ADAM7: variants seen among roughly 807,000 people sequenced by gnomAD.
ADAM7 encodes disintegrin and metalloproteinase domain-containing protein 7.
Under a neutral mutation model 102.9 loss-of-function variants are expected in ADAM7, and 97 were observed. The observed-to-expected ratio is 0.94, with a 90% CI of 0.80 to 1.12. The LOEUF (loss-of-function observed/expected upper bound fraction) is 1.12. Among genes scored for constraint, ADAM7 ranks in the 50% most tolerant of loss-of-function variants. The pLI is 0.00. For missense variants in ADAM7, 991 were observed against 908.7 expected (o/e 1.09, Z -1.16); for synonymous variants, 334 against 304.4 (o/e 1.10, Z -1.01).
At position 24,506,161 on chromosome 8, in the gene ADAM7, G is replaced by A. The variant is rs73548743; in HGVS notation, c.2209-1319G>A. 7.5e-3 allele frequency: 11,618 copies of A among 1,546,290 alleles called. 683 individuals carry two copies. The African/African-American group carries it at 0.13, about 18-fold the overall frequency. On this transcript the variant is annotated intron_variant, in intron 20 of 21. Coordinates refer to ENST00000175238, the MANE Select transcript of ADAM7 (RefSeq NM_003817.4). The stretch of plus-strand genomic sequence containing the variant: ...AGTCCCCACTACATCACACTGGTAC[G>A]TTCCCCTCCCCTTCCTCTTGGTGGT...
At chr8:24,492,174 G>T in intron 14 of ADAM7, 76 bp downstream of exon 14, 1 of 1,378,654 alleles carries the variant, frequency 7.3e-7, no homozygotes, top group Non-Finnish European at 1.0e-6. Flanking sequence ...TAGGAATTGG[G>T]TCAAGATCAG....
intron 20 of ADAM7, 100 bp downstream of exon 20, chr8:24,501,676 G>A (rs1820765675): frequency 1.2e-6 from 1 of 806,066 alleles, no homozygotes; most frequent in Non-Finnish European, 1.9e-6. Flanking sequence ...AGTGACATGG[G>A]AAGTGCAGAG....
intron 3 of ADAM7, among the ~76,000 whole-genome samples, chr8:24,460,734 T>C (rs1354957403): frequency 1.5e-5 from 2 of 132,120 alleles, no homozygotes; most frequent in East Asian, 4.0e-4. Flanking sequence ...TATATATGTG[T>C]GTATATATAT....
intron 3 of ADAM7, among the ~76,000 whole-genome samples, chr8:24,463,194 G>A (rs1819308449): frequency 6.6e-6 from 1 of 152,180 alleles, no homozygotes; most frequent in Admixed American, 6.5e-5. Context: ...GTCAGGATGT[G>A]TGTTTTGCAC....
chr8:24,499,797 TACACAC>T lies in ADAM7; in HGVS notation c.1924-355_1924-350del, dbSNP rs35010933. Among the ~76,000 whole-genome samples, 408 of 148,292 alleles carry T rather than the reference TACACAC, an allele frequency of 2.8e-3. 3 individuals carry two copies. Among genetic ancestry groups the T allele is most frequent in the Middle Eastern group, 7.2e-3 (2 of 278 alleles). On this transcript the variant is annotated intron_variant, in intron 17 of 21. Coordinates refer to ENST00000175238, the MANE Select transcript of ADAM7 (RefSeq NM_003817.4). ...TTAATCAGTAACACTTATATAGTAA[TACACAC>T]ACACACACACACACACACACACACA...
At chr8:24,451,441 G>C (rs979203814) in intron 3 of ADAM7, among the ~76,000 whole-genome samples, 2 of 152,164 alleles carry the variant, frequency 1.3e-5, no homozygotes, top group South Asian at 2.1e-4. Context: ...TTGCGTAGAG[G>C]TGTTTGTAGT....
intron 2 of ADAM7, among the ~76,000 whole-genome samples, chr8:24,446,896 T>TGTA (rs1156591840): frequency 6.7e-6 from 1 of 148,894 alleles, no homozygotes; most frequent in Non-Finnish European, 1.5e-5. Context: ...TATAAATAGT[T>TGTA]GTAATATAAC....
chr8:24,490,283 A>C (rs1226024797), intron 12 of ADAM7: 3 of 153,060 alleles, frequency 2.0e-5, no homozygotes, highest in Admixed American at 6.5e-5. Context: ...CCATAGATTC[A>C]TTCTAACACA....
chr8:24,467,029 T>G (rs1261103614), intron 6 of ADAM7, 41 bp downstream of exon 6: 2 of 1,543,500 alleles, frequency 1.3e-6, no homozygotes, highest in Non-Finnish European at 1.8e-6. Context: ...ATGAAACACC[T>G]TTTATTTTCT....
rs1820172046 is a variant in ADAM7 at position 24,487,200 on chromosome 8, A to T, written c.974A>T (p.Asp325Val). The T allele has an allele frequency of 6.2e-7, 1 of 1,613,736 alleles. No individual in the cohort carries two copies. Among genetic ancestry groups the T allele is most frequent in the East Asian group, 2.2e-5 (1 of 44,826 alleles). Residue 325 changes from aspartate (D) to valine (V), a missense_variant, in exon 11 of 22, where the codon GAC (aspartate) becomes GTC (valine). Transcript: ENST00000175238. The part of the protein sequence containing the change: ...STSIIKDLLP[D>V]TNIIANRMAH... ...TTTTATCATCAGGATCTTTTACCTG[A>T]CACAAACATAATTGCAAACAGAATG...
intron 7 of ADAM7, 28 bp from the exon 8 acceptor site, chr8:24,476,405 A>G: frequency 6.8e-7 from 1 of 1,465,436 alleles, no homozygotes; most frequent in Non-Finnish European, 9.4e-7. Flanking sequence ...ATTATTAATG[A>G]ATATTAATAT....
At chr8:24,498,424 GA>G (rs1364972677) in intron 16 of ADAM7, among the ~76,000 whole-genome samples, 1 of 151,368 alleles carries the variant, frequency 6.6e-6, no homozygotes, top group African/African-American at 2.4e-5. Context: ...TTAATCTTTA[GA>G]AATTAGCATA....
In ADAM7 at chr8:24,487,183, T is replaced by A; in HGVS notation, c.961-4T>A. The A allele has an allele frequency of 6.2e-7, 1 of 1,613,192 alleles. No individual in the cohort carries two copies. The highest frequency in any genetic ancestry group is 8.5e-7 in the Non-Finnish European group (1 of 1,179,504). On this transcript the variant is annotated splice_region_variant and splice_polypyrimidine_tract_variant and intron_variant, in intron 10 of 21. Transcript: ENST00000175238. Reference sequence around the variant, plus strand: ...AATTTCTAATGCAATTGTTTTATCATCAGGATCTTTTACCTGACACAAACA... The same window carrying A: ...AATTTCTAATGCAATTGTTTTATCAACAGGATCTTTTACCTGACACAAACA...
intron 18 of ADAM7, 131 bp downstream of exon 18, chr8:24,500,387 G>T: frequency 1.3e-6 from 1 of 757,160 alleles, no homozygotes; most frequent in South Asian, 2.2e-5. Flanking sequence ...ATATTATTGT[G>T]CATGAATACC....
rs200101638 is a variant in ADAM7 at position 24,500,837 on chromosome 8, G to C, written c.2050G>C (p.Gly684Arg). ...VVLVLVIVGI[G>R]VLILLVRYRK... Reference sequence around the variant, plus strand: ...GCTTGTCCTGGTTATTGTCGGTATCGGAGTTCTTATACTATTAGTTCGTTA... The same window carrying C: ...GCTTGTCCTGGTTATTGTCGGTATCCGAGTTCTTATACTATTAGTTCGTTA... Residue 684 changes from glycine to arginine, a missense_variant, in exon 19 of 22, where the codon GGA (glycine) becomes CGA (arginine). Transcript: ENST00000175238. The C allele has an allele frequency of 6.2e-7, 1 of 1,613,180 alleles. No homozygotes were observed. The highest frequency in any genetic ancestry group is 1.3e-5 in the African/African-American group (1 of 74,818).
intron 3 of ADAM7, among the ~76,000 whole-genome samples, chr8:24,453,410 A>T (rs1194163690): frequency 2.0e-5 from 3 of 151,958 alleles, no homozygotes; most frequent in African/African-American, 7.3e-5. Context: ...TTCATCTTCC[A>T]TCACTGATAC....
intron 20 of ADAM7, among the ~76,000 whole-genome samples, chr8:24,504,445 A>T (rs1585936723): frequency 1.9e-5 from 1 of 53,532 alleles, no homozygotes; most frequent in African/African-American, 1.2e-4. Flanking sequence ...ATTAGCTTTA[A>T]AAAAAAAAAT....
intron 2 of ADAM7, among the ~76,000 whole-genome samples, chr8:24,445,778 T>C (rs1818536598): frequency 6.6e-6 from 1 of 152,224 alleles, no homozygotes; most frequent in South Asian, 2.1e-4. Flanking sequence ...GATTTACTCC[T>C]TCCCACTTTG....
Position 24,508,684 on chromosome 8 carries a change from T to C in ADAM7, c.*138T>C, listed in dbSNP as rs1282553231. The C allele has an allele frequency of 6.6e-7, 1 of 1,511,798 alleles. No individual in the cohort carries two copies. The highest frequency in any genetic ancestry group is 8.9e-7 in the Non-Finnish European group (1 of 1,124,954). 93.6% of individuals were successfully genotyped at this position (1,511,798 alleles called of 1,614,324 possible). A position where few individuals can be genotyped will look rare whatever the true frequency, so the allele number is the denominator to read the frequency against. ...AAACGTTCTTTATCCAGACAGACAA[T>C]GTTTAAGAGAAACAACTTATTTCTG... On this transcript the variant is annotated 3_prime_UTR_variant, in exon 22 of 22. Transcript: ENST00000175238.
Sources: gnomAD v4.1 joint callset for allele counts (sites outside exome capture counted in the v4.1 genomes callset) on GRCh38, gnomAD v4.1.1 for gene constraint, MANE v1.5 for transcripts, NCBI Gene and HGNC (gene_info 2026-07-23, HGNC 2026-07-21) for gene names.